Variants in RAPGEF2 observed in about 807,000 individuals in gnomAD.
RAPGEF2 encodes the protein PDZ domain containing guanine nucleotide exchange factor (GEF) 1.
In RAPGEF2, 54 loss-of-function variants were observed where a neutral mutation model predicts 186.7. The observed-to-expected ratio is 0.29, with a 90% CI of 0.23 to 0.36. The LOEUF is 0.36. Among genes scored for constraint, RAPGEF2 ranks in the 10% least tolerant of loss-of-function variants. RAPGEF2 has a pLI of 1.00. For synonymous variants in RAPGEF2, 712 were observed against 705.9 expected, an observed-to-expected ratio of 1.01 and a Z score of -0.14; for missense variants, 1,532 against 2,045.0, an observed-to-expected ratio of 0.75 and a Z score of 4.84.
At chr4:159,153,145 G>A (rs2056218271) in intron 1 of RAPGEF2, among the ~76,000 whole-genome samples, 1 of 152,080 alleles carries the variant, frequency 6.6e-6, no homozygotes, top group Non-Finnish European at 1.5e-5. Context: ...GCCTTCACTA[G>A]CATGAAAATT....
At chr4:159,238,194 G>A (rs541329629) in intron 4 of RAPGEF2, among the ~76,000 whole-genome samples, 3 of 152,254 alleles carry the variant, frequency 2.0e-5, no homozygotes, top group Admixed American at 1.3e-4. Context: ...ATAAGGCAAA[G>A]GTGCTATGTC....
intron 8 of RAPGEF2, among the ~76,000 whole-genome samples, chr4:159,306,209 T>G (rs1315617453): frequency 6.6e-6 from 1 of 152,138 alleles, no homozygotes; most frequent in Non-Finnish European, 1.5e-5. Context: ...AATCTGTATA[T>G]TGCTTTAGGC....
intron 1 of RAPGEF2, among the ~76,000 whole-genome samples, chr4:159,109,091 C>A (rs529694549): frequency 1.3e-5 from 2 of 151,886 alleles, no homozygotes; most frequent in African/African-American, 4.8e-5. Context: ...ATGGACTATC[C>A]GAAATAATGA....
At chr4:159,300,168 GTA>G (rs1248236199) in intron 7 of RAPGEF2, among the ~76,000 whole-genome samples, 36 of 150,796 alleles carry the variant, frequency 2.4e-4, no homozygotes, top group African/African-American at 8.3e-4. Flanking sequence ...CTTTATGTAA[GTA>G]TTACTTTATA....
intron 2 of RAPGEF2, among the ~76,000 whole-genome samples, chr4:159,191,779 C>G (rs1579421027): frequency 6.6e-6 from 1 of 151,936 alleles, no homozygotes; most frequent in East Asian, 1.9e-4. Flanking sequence ...ATAGACAACT[C>G]TAAAAGATTT....
At chr4:159,328,216 A>T (rs1377461654) in intron 11 of RAPGEF2, 1 of 152,128 alleles carries the variant, frequency 6.6e-6, no homozygotes, top group Admixed American at 6.5e-5. Context: ...GAAATAAAAT[A>T]TTTTTTAGAT....
At chr4:159,335,497 A>G (rs779274262) in intron 17 of RAPGEF2, among the ~76,000 whole-genome samples, 4 of 152,186 alleles carry the variant, frequency 2.6e-5, no homozygotes, top group Non-Finnish European at 5.9e-5. Flanking sequence ...AGTAATGAGG[A>G]AACTGAGAGT....
chr4:159,347,676 C>T lies in RAPGEF2; in HGVS notation c.3712+678C>T, dbSNP rs983972977. On this transcript the variant is annotated intron_variant, in intron 25 of 29. Coordinates refer to ENST00000691494, the MANE Select transcript of RAPGEF2 (RefSeq NM_001394067.2). ...GCGGGCGCCTGTAGTCCCAGCTACT[C>T]GGGAGGCCGAGGCAGGAGAATGGCG... Among the ~76,000 whole-genome samples the T allele has an allele frequency of 2.6e-5, 4 of 152,052 alleles. No homozygotes were observed. The South Asian group carries it at 6.2e-4, about 24-fold the overall frequency.
Position 159,127,462 on chromosome 4 carries a change from TC to T in RAPGEF2, c.69+23237del, listed in dbSNP as rs898583036. Among the ~76,000 whole-genome samples the T allele has an allele frequency of 7.3e-4, 111 of 152,344 alleles. 1 individual carries two copies. The highest frequency in any genetic ancestry group is 2.5e-3 in the African/African-American group (102 of 41,582). On this transcript the variant is annotated intron_variant, in intron 1 of 29. Transcript: ENST00000691494. ...GGTAGTAACTCATTTAATGCCATGT[TC>T]CCCCCTTCATGAAGCATCTTCTAGT...
At chr4:159,184,316 C>T (rs1254654816) in intron 1 of RAPGEF2, among the ~76,000 whole-genome samples, 3 of 152,320 alleles carry the variant, frequency 2.0e-5, no homozygotes, top group South Asian at 2.1e-4. Flanking sequence ...GGAATCGCCA[C>T]ACTGTCTTCC....
intron 1 of RAPGEF2, among the ~76,000 whole-genome samples, chr4:159,104,515 A>AGAGAGAGAGAGAGAGAGG (rs1560964586): frequency 3.1e-5 from 4 of 130,320 alleles, no homozygotes; most frequent in African/African-American, 1.0e-4. Context: ...AGAGAGAGAG[A>AGAGAGAGAGAGAGAGAGG]GAGAGAGAGA....
intron 1 of RAPGEF2, among the ~76,000 whole-genome samples, chr4:159,123,138 CAGTAGGCTATT>C (rs1440181796): frequency 3.3e-5 from 5 of 152,262 alleles, no homozygotes; most frequent in Non-Finnish European, 7.4e-5. Context: ...TTCTGGTCAA[CAGTAGGCTATT>C]AGTAGCTAAG....
intron 4 of RAPGEF2, among the ~76,000 whole-genome samples, chr4:159,237,559 A>G (rs998849190): frequency 2.6e-5 from 4 of 152,078 alleles, no homozygotes; most frequent in Non-Finnish European, 5.9e-5. Flanking sequence ...GTGTATTACT[A>G]TGACATAAAG....
chr4:159,209,362 T>C (rs1011637097), intron 3 of RAPGEF2, among the ~76,000 whole-genome samples: 19 of 152,326 alleles, frequency 1.2e-4, no homozygotes, highest in African/African-American at 3.1e-4. Context: ...ACCAAGCCGA[T>C]TGGCAAAACA....
chr4:159,193,856 C>T (rs1748361864), intron 3 of RAPGEF2, among the ~76,000 whole-genome samples: 1 of 152,158 alleles, frequency 6.6e-6, no homozygotes. Flanking sequence ...GTTTTGTTGA[C>T]TGGTTTTCAA....
chr4:159,135,801 G>T (rs896695064), intron 1 of RAPGEF2, among the ~76,000 whole-genome samples: 1 of 152,072 alleles, frequency 6.6e-6, no homozygotes, highest in Non-Finnish European at 1.5e-5. Flanking sequence ...GTTTCACCAT[G>T]TTGGCTAGGC....
rs376771195 is a variant in RAPGEF2 at position 159,128,944 on chromosome 4, G to GTATATA, written c.69+24726_69+24731dup. 275 of 132,968 alleles carry GTATATA rather than the reference G, an allele frequency of 2.1e-3. 1 individual carries two copies. The highest frequency in any genetic ancestry group is 6.8e-3 in the African/African-American group (252 of 36,878). 8.2% of individuals were successfully genotyped at this position (132,968 alleles called of 1,614,324 possible). A position where few individuals can be genotyped will look rare whatever the true frequency, so the allele number is the denominator to read the frequency against. On this transcript the variant is annotated intron_variant, in intron 1 of 29. Transcript: ENST00000691494. ...GGGGTGTGTGTGTGTGTGTGTGTGT[G>GTATATA]TATATATATATATATATAAATCTAT...
chr4:159,148,857 ATTTTC>A (rs1385990095), intron 1 of RAPGEF2, among the ~76,000 whole-genome samples: 6 of 152,138 alleles, frequency 3.9e-5, no homozygotes, highest in South Asian at 2.1e-4. Flanking sequence ...TTTGTAGTCT[ATTTTC>A]TTAAATTTTG....
intron 6 of RAPGEF2, among the ~76,000 whole-genome samples, chr4:159,241,630 A>G (rs1421738218): frequency 6.6e-6 from 1 of 151,338 alleles, no homozygotes; most frequent in Non-Finnish European, 1.5e-5. Flanking sequence ...TTTTTAAAAG[A>G]CATTGAAATA....
Sources: gnomAD v4.1 joint callset for allele counts (sites outside exome capture counted in the v4.1 genomes callset) on GRCh38, gnomAD v4.1.1 for gene constraint, MANE v1.5 for transcripts, NCBI Gene and HGNC (gene_info 2026-07-23, HGNC 2026-07-21) for gene names.